SLC5A11: variants seen among roughly 807,000 people sequenced by gnomAD.
SLC5A11 encodes the protein sodium/myo-inositol cotransporter 2.
SLC5A11 carries 48 observed loss-of-function variants against 69.8 expected under a neutral mutation model. That is an observed-to-expected ratio of 0.69 (90% CI 0.55 to 0.87). SLC5A11 has a LOEUF of 0.87. Ranked by LOEUF, SLC5A11 falls within the 40% of genes least tolerant of loss-of-function variation. The pLI is 0.00. For missense variants in SLC5A11, 784 were observed against 866.1 expected (o/e 0.91, Z 1.19); for synonymous variants, 319 against 342.4 (o/e 0.93, Z 0.75).
At chr16:24,856,542 A>G (rs2059537358) in intron 1 of SLC5A11, among the ~76,000 whole-genome samples, 1 of 148,152 alleles carries the variant, frequency 6.7e-6, no homozygotes, top group South Asian at 2.2e-4. Flanking sequence ...TCACGAGGTC[A>G]GGAGATCGAG....
chr16:24,909,923 G>C (rs986889952), intron 14 of SLC5A11, among the ~76,000 whole-genome samples: 1 of 151,580 alleles, frequency 6.6e-6, no homozygotes, highest in African/African-American at 2.4e-5. Context: ...GATGGAGTCA[G>C]CTCAGGACAC....
chr16:24,911,196 C>A, intron 15 of SLC5A11, 132 bp from the exon 17 acceptor site: 24 of 641,444 alleles, frequency 3.7e-5, no homozygotes, highest in Non-Finnish European at 4.8e-5. Context: ...AGGGAGATTT[C>A]AGTCGGGCAT....
chr16:24,891,310 CTTTT>C (rs11286846), intron 9 of SLC5A11, among the ~76,000 whole-genome samples: 9 of 102,170 alleles, frequency 8.8e-5, no homozygotes, highest in South Asian at 3.6e-4. Flanking sequence ...CACACTCTGC[CTTTT>C]TTTTTTTTTT....
chr16:24,878,035 T>C (rs535361639), intron 7 of SLC5A11, among the ~76,000 whole-genome samples: 4 of 150,414 alleles, frequency 2.7e-5, no homozygotes, highest in African/African-American at 9.8e-5. Context: ...CTCCTGTAAT[T>C]CCAGCTACTC....
rs757716433 is a variant in SLC5A11, at chr16:24,858,657, C to G, written c.14C>G (p.Thr5Ser). The G allele has an allele frequency of 3.5e-5, 56 of 1,609,814 alleles. No homozygotes were observed. In the East Asian group the frequency reaches 1.2e-3, roughly 33 times the overall value. The change falls in exon 2 of 16, where the codon ACC (threonine) becomes AGC (serine). Residue 5 changes from threonine (T) to serine (S), a missense_variant. Transcript: ENST00000347898. ...TCGTTCAGGACCATGGAGAGCGGCA[C>G]CAGCAGCCCTCAGCCTCCACAGTTA...
intron 7 of SLC5A11, among the ~76,000 whole-genome samples, chr16:24,881,536 C>T (rs950218492): frequency 6.6e-6 from 1 of 152,160 alleles, no homozygotes; most frequent in Non-Finnish European, 1.5e-5. Context: ...GATCCGCCTG[C>T]ATCAGCCTCC....
At chr16:24,850,418 G>A (rs2059249709) in intron 1 of SLC5A11, among the ~76,000 whole-genome samples, 1 of 152,228 alleles carries the variant, frequency 6.6e-6, no homozygotes, top group Non-Finnish European at 1.5e-5. Context: ...CTCTTGTAGG[G>A]CTGCCTCCAC....
intron 10 of SLC5A11, among the ~76,000 whole-genome samples, chr16:24,902,780 CT>C (rs1234202866): frequency 6.6e-6 from 1 of 152,186 alleles, no homozygotes; most frequent in African/African-American, 2.4e-5. Flanking sequence ...CTCAGGTGAT[CT>C]GCCCATCTCG....
At chr16:24,900,489 T>A (rs1241433321) in intron 10 of SLC5A11, among the ~76,000 whole-genome samples, 2 of 152,092 alleles carry the variant, frequency 1.3e-5, no homozygotes, top group Non-Finnish European at 2.9e-5. Context: ...CCACAAATAG[T>A]CCCTAGTCCT....
intron 12 of SLC5A11, among the ~76,000 whole-genome samples, chr16:24,907,478 C>T (rs1441190923): frequency 2.6e-5 from 4 of 152,032 alleles, no homozygotes; most frequent in Admixed American, 1.3e-4. Flanking sequence ...TTTGGGAGGC[C>T]GAGGCGGTGG....
At chr16:24,856,663 C>T (rs2059548849) in intron 1 of SLC5A11, among the ~76,000 whole-genome samples, 1 of 146,384 alleles carries the variant, frequency 6.8e-6, no homozygotes, top group African/African-American at 2.5e-5. Context: ...CCCAGCTACT[C>T]AGGAGGCTGA....
intron 6 of SLC5A11, among the ~76,000 whole-genome samples, chr16:24,876,219 GAAGA>G (rs2047664766): frequency 6.8e-6 from 1 of 147,588 alleles, no homozygotes; most frequent in Non-Finnish European, 1.5e-5. Flanking sequence ...AAAAAAAAAA[GAAGA>G]AATTGGGAGA....
At chr16:24,873,502 G>A (rs917192920) in intron 5 of SLC5A11, among the ~76,000 whole-genome samples, 1 of 151,906 alleles carries the variant, frequency 6.6e-6, no homozygotes, top group Non-Finnish European at 1.5e-5. Context: ...AGCTGAGACT[G>A]GTGGTGTGCA....
In SLC5A11 at chr16:24,863,303, G is replaced by C. The variant is rs186116679; in HGVS notation, c.207+631G>C. Among the ~76,000 whole-genome samples the C allele has an allele frequency of 6.3e-4, 95 of 151,980 alleles. 1 individual carries two copies. Among genetic ancestry groups the C allele is most frequent in the African/African-American group, 2.1e-3 (89 of 41,438 alleles). On this transcript the variant is annotated intron_variant, in intron 3 of 15. Transcript: ENST00000347898. ...TCCAAGATGGCTTCATCCACATTTGGGGGGCTTTGGCAGGGGTCACTGGAA... is the reference window on the plus strand; with the variant it reads ...TCCAAGATGGCTTCATCCACATTTGCGGGGCTTTGGCAGGGGTCACTGGAA...
intron 10 of SLC5A11, among the ~76,000 whole-genome samples, chr16:24,901,950 A>ACACACG (rs2049640305): frequency 1.6e-5 from 2 of 126,276 alleles, no homozygotes; most frequent in Non-Finnish European, 3.3e-5. Flanking sequence ...ACACACACAC[A>ACACACG]CACACACGCA....
intron 4 of SLC5A11, among the ~76,000 whole-genome samples, chr16:24,871,691 C>T (rs1359371843): frequency 2.0e-5 from 3 of 152,120 alleles, no homozygotes; most frequent in Non-Finnish European, 2.9e-5. Context: ...TGCAGAGAGG[C>T]GCCTGGCATA....
intron 8 of SLC5A11, among the ~76,000 whole-genome samples, chr16:24,889,244 A>T (rs142059050): frequency 6.6e-6 from 1 of 152,220 alleles, no homozygotes; most frequent in African/African-American, 2.4e-5. Flanking sequence ...GAACTTTGGG[A>T]GGCTGAGGCA....
In SLC5A11 at chr16:24,890,964, C is replaced by CG. The variant is rs1567657941; in HGVS notation, c.763dup (p.Glu255GlyfsTer14). On this transcript the variant is annotated frameshift_variant, in exon 9 of 16. Coordinates refer to ENST00000347898, the Ensembl canonical transcript of SLC5A11. LOFTEE classifies it high-confidence loss of function. ...TGAGAACAGCAGCTGCGGGCTGCCCCGGGAAGATGCCTTCCATATTTTCCG... is the reference window on the plus strand; with the variant it reads ...TGAGAACAGCAGCTGCGGGCTGCCCCGGGGAAGATGCCTTCCATATTTTCCG... 1 of 1,614,144 alleles carries CG rather than the reference C, an allele frequency of 6.2e-7. No individual in the cohort carries two copies. Among genetic ancestry groups the CG allele is most frequent in the East Asian group, 2.2e-5 (1 of 44,882 alleles).
At chr16:24,848,730 T>A (rs1471202963) in intron 1 of SLC5A11, among the ~76,000 whole-genome samples, 1 of 152,124 alleles carries the variant, frequency 6.6e-6, no homozygotes, top group African/African-American at 2.4e-5. Context: ...CAGTGAGCTC[T>A]GATGGCACCA....
Sources: gnomAD v4.1 joint callset for allele counts (sites outside exome capture counted in the v4.1 genomes callset) on GRCh38, gnomAD v4.1.1 for gene constraint, MANE v1.5 for transcripts, NCBI Gene and HGNC (gene_info 2026-07-23, HGNC 2026-07-21) for gene names.